The following ERBB4 variants were observed in gnomAD, a reference collection of about 807,000 sequenced individuals.
ERBB4 encodes erb-b2 receptor tyrosine kinase 4.
ERBB4 carries 42 observed loss-of-function variants against 158.0 expected under a neutral mutation model. The ratio of observed to expected loss-of-function variants is 0.27; its 90% CI spans 0.21 to 0.34. The LOEUF is 0.34. Among genes scored for constraint, ERBB4 ranks in the 10% least tolerant of loss-of-function variants. ERBB4 has a pLI of 1.00. For missense variants in ERBB4, 1,333 were observed against 1,624.1 expected, an observed-to-expected ratio of 0.82 and a Z score of 3.08; for synonymous variants, 583 against 558.7, an observed-to-expected ratio of 1.04 and a Z score of -0.61.
At chr2:212,183,386 T>G (rs2081930009) in intron 1 of ERBB4, among the ~76,000 whole-genome samples, 1 of 152,004 alleles carries the variant, frequency 6.6e-6, no homozygotes, top group South Asian at 2.1e-4. Context: ...CTATATAAAT[T>G]TAACTAGCAG....
chr2:211,911,333 C>A (rs1575361839), intron 3 of ERBB4, among the ~76,000 whole-genome samples: 1 of 152,088 alleles, frequency 6.6e-6, no homozygotes, highest in South Asian at 2.1e-4. Flanking sequence ...GTGGCTTGAT[C>A]ATAGATCACT....
At chr2:211,676,683 A>T (rs969590880) in intron 13 of ERBB4, among the ~76,000 whole-genome samples, 1 of 152,196 alleles carries the variant, frequency 6.6e-6, no homozygotes, top group Non-Finnish European at 1.5e-5. Flanking sequence ...AGTTCCCTAT[A>T]TTTATAAGAT....
intron 20 of ERBB4, among the ~76,000 whole-genome samples, chr2:211,460,570 C>T (rs998219556): frequency 3.3e-5 from 5 of 152,090 alleles, no homozygotes; most frequent in African/African-American, 9.7e-5. Context: ...ACATAATTTG[C>T]CAGTAGAAAC....
chr2:212,210,132 A>G (rs773606183), intron 1 of ERBB4, among the ~76,000 whole-genome samples: 1 of 151,988 alleles, frequency 6.6e-6, no homozygotes, highest in Non-Finnish European at 1.5e-5. Flanking sequence ...GTGCATAGAT[A>G]TGCATAAAGT....
chr2:211,414,500 T>TAAAAAAAAAAAAAAAAAA (rs71047174), intron 25 of ERBB4, among the ~76,000 whole-genome samples: 6 of 102,118 alleles, frequency 5.9e-5, no homozygotes, highest in African/African-American at 7.2e-5. Flanking sequence ...CAGTCTCAAT[T>TAAAAAAAAAAAAAAAAAA]AAAAAAAAAA....
chr2:211,518,526 C>T (rs559306566), intron 20 of ERBB4, among the ~76,000 whole-genome samples: 47 of 151,974 alleles, frequency 3.1e-4, no homozygotes, highest in Non-Finnish European at 4.9e-4. Context: ...TGGTGGTGCA[C>T]ACCTGTAATC....
chr2:211,401,388 T>C (rs1277310415), intron 25 of ERBB4, among the ~76,000 whole-genome samples: 1 of 152,112 alleles, frequency 6.6e-6, no homozygotes, highest in Non-Finnish European at 1.5e-5. Context: ...ATTTTTTTTT[T>C]AATCACTTCT....
intron 7 of ERBB4, among the ~76,000 whole-genome samples, chr2:211,717,123 A>T (rs1296075445): frequency 6.6e-6 from 1 of 152,056 alleles, no homozygotes; most frequent in Non-Finnish European, 1.5e-5. Flanking sequence ...CACCAAAAAA[A>T]CTCCAAGAAA....
In ERBB4 at chr2:212,060,565, G is replaced by A. The variant is rs566050418; in HGVS notation, c.234+64187C>T. 1.8e-4 allele frequency among the ~76,000 whole-genome samples: 16 copies of A among 88,860 alleles called. 1 individual carries two copies. The highest frequency in any genetic ancestry group is 3.9e-4 in the Non-Finnish European group (13 of 33,712). 58.3% of individuals were successfully genotyped at this position (88,860 alleles called of 152,430 possible). ...GCAAAGACTTGGAACCCACCCCAAC[G>A]TCCATCAATGATAGACTGGATTAAG... On this transcript the variant is annotated intron_variant, in intron 2 of 27. Transcript: ENST00000342788.
At chr2:211,573,796 T>C (rs1574782049) in intron 19 of ERBB4, among the ~76,000 whole-genome samples, 1 of 152,322 alleles carries the variant, frequency 6.6e-6, no homozygotes, top group African/African-American at 2.4e-5. Flanking sequence ...TAACACTCAG[T>C]GCTAGAGACA....
intron 3 of ERBB4, among the ~76,000 whole-genome samples, chr2:211,824,383 A>G (rs2077052508): frequency 6.6e-6 from 1 of 152,052 alleles, no homozygotes; most frequent in Admixed American, 6.6e-5. Flanking sequence ...TATCTCTGGC[A>G]TTATGGAAGG....
Position 211,922,922 on chromosome 2 carries a change from T to C in ERBB4, c.421+24508A>G, listed in dbSNP as rs147484271. ...GAATGAAAGAGTGTTTAGTATATTC[T>C]GGGAATGAAAAGATTTGTGAGATTG... On this transcript the variant is annotated intron_variant, in intron 3 of 27. Transcript: ENST00000342788. Among the ~76,000 whole-genome samples, 5 of 152,266 alleles carry C rather than the reference T, an allele frequency of 3.3e-5. No individual in the cohort carries two copies. The South Asian group carries it at 1.0e-3, about 32-fold the overall frequency.
intron 3 of ERBB4, among the ~76,000 whole-genome samples, chr2:211,899,073 T>C (rs2079168440): frequency 6.6e-6 from 1 of 152,100 alleles, no homozygotes; most frequent in Non-Finnish European, 1.5e-5. Context: ...CATGAGTCAA[T>C]TTGGGCATTT....
At chr2:211,600,502 A>G (rs1041106142) in intron 19 of ERBB4, among the ~76,000 whole-genome samples, 3 of 152,196 alleles carry the variant, frequency 2.0e-5, no homozygotes, top group Non-Finnish European at 2.9e-5. Context: ...TATAAAAACT[A>G]AGAAATTTAG....
At chr2:211,745,846 G>A (rs1282268502) in intron 5 of ERBB4, among the ~76,000 whole-genome samples, 2 of 151,608 alleles carry the variant, frequency 1.3e-5, no homozygotes, top group African/African-American at 2.4e-5. Context: ...ACTGAGATTT[G>A]TATCTCTTGG....
rs540525776 is a variant in ERBB4 at position 211,571,535 on chromosome 2, A to G, written c.2302-9447T>C. On this transcript the variant is annotated intron_variant, in intron 19 of 27. Coordinates refer to ENST00000342788, the MANE Select transcript of ERBB4 (RefSeq NM_005235.3). ...ATTCCAAGTTTTCTCCTCCACTCCT[A>G]TAATTTCAGTTGTCATTTCTGAGCA... Among the ~76,000 whole-genome samples, 317 of 152,276 alleles carry G rather than the reference A, an allele frequency of 2.1e-3. 3 individuals carry two copies. The highest frequency in any genetic ancestry group is 7.3e-3 in the African/African-American group (304 of 41,554).
At chr2:211,668,895 C>T (rs1272427314) in intron 14 of ERBB4, among the ~76,000 whole-genome samples, 2 of 152,014 alleles carry the variant, frequency 1.3e-5, no homozygotes, top group African/African-American at 2.4e-5. Context: ...CAGGGAGGCT[C>T]GCTGCCTTAG....
intron 1 of ERBB4, among the ~76,000 whole-genome samples, chr2:212,148,181 G>T (rs1212557305): frequency 6.6e-6 from 1 of 151,432 alleles, no homozygotes; most frequent in Non-Finnish European, 1.5e-5. Flanking sequence ...AAGTACAATG[G>T]CATAATTGGT....
chr2:212,317,499 A>G (rs908687894), intron 1 of ERBB4, among the ~76,000 whole-genome samples: 1 of 151,576 alleles, frequency 6.6e-6, no homozygotes, highest in African/African-American at 2.4e-5. Context: ...CAGCATTCTA[A>G]CTACCACCTC....
Sources: allele counts gnomAD v4.1 joint callset (sites outside exome capture counted in the v4.1 genomes callset), GRCh38; gene constraint gnomAD v4.1.1; transcripts MANE v1.5; gene names NCBI Gene and HGNC (gene_info 2026-07-23, HGNC 2026-07-21).